The following CRTC3 variants were observed in gnomAD, a reference collection of about 807,000 sequenced individuals.
CRTC3 encodes CREB regulated transcription coactivator 3.
CRTC3 carries 26 observed loss-of-function variants against 74.5 expected under a neutral mutation model. The observed-to-expected ratio is 0.35, with a 90% CI of 0.26 to 0.48. The LOEUF is 0.48. CRTC3 is among the 20% of genes least tolerant of loss of function. CRTC3 has a pLI of 0.99. For missense variants in CRTC3, 760 were observed against 787.3 expected, an observed-to-expected ratio of 0.97 and a Z score of 0.41; for synonymous variants, 377 against 325.8, an observed-to-expected ratio of 1.16 and a Z score of -1.69.
intron 5 of CRTC3, among the ~76,000 whole-genome samples, chr15:90,604,825 GC>G (rs1488984516): frequency 6.6e-6 from 1 of 152,152 alleles, no homozygotes; most frequent in Non-Finnish European, 1.5e-5. Flanking sequence ...ATCACTTTGG[GC>G]CAGACTCCAG....
At position 90,540,148 on chromosome 15, in the gene CRTC3, A is replaced by T. The variant is rs1369196431; in HGVS notation, c.231+11A>T. ...GCGTCAGAGTTTCAGGTACCTCCAG[A>T]TATGTACTTTCTTGAAGCTGAATGG... On this transcript the variant is annotated intron_variant, in intron 2 of 14. Transcript: ENST00000268184. 6.4e-7 allele frequency: 1 copy of T among 1,554,028 alleles called. No individual in the cohort carries two copies. The highest frequency in any genetic ancestry group is 8.8e-7 in the Non-Finnish European group (1 of 1,134,740).
intron 2 of CRTC3, among the ~76,000 whole-genome samples, chr15:90,585,173 C>G (rs1388216529): frequency 1.3e-5 from 2 of 152,126 alleles, no homozygotes; most frequent in East Asian, 1.9e-4. Flanking sequence ...ACAACAAGGT[C>G]TCGCTCTGTG....
chr15:90,554,819 C>G (rs1314780358), intron 2 of CRTC3, among the ~76,000 whole-genome samples: 1 of 152,236 alleles, frequency 6.6e-6, no homozygotes, highest in Non-Finnish European at 1.5e-5. Flanking sequence ...CCTCCCACAC[C>G]AGAGTGTTGT....
Position 90,629,464 on chromosome 15 carries a change from G to A in CRTC3, c.1198G>A (p.Glu400Lys). The A allele has an allele frequency of 6.2e-7, 1 of 1,613,982 alleles. No homozygotes were observed. The highest frequency in any genetic ancestry group is 1.3e-5 in the African/African-American group (1 of 74,974). ...VSPLTLSPGP[E>K]AHQGFSRQLS... is the part of the protein sequence containing the mutation. Reference sequence around the variant, plus strand: ...CCCTCTCACGCTTTCTCCTGGCCCTGAAGCACATCAAGGTTTCAGCAGACA... The same window carrying A: ...CCCTCTCACGCTTTCTCCTGGCCCTAAAGCACATCAAGGTTTCAGCAGACA... The change falls in exon 11 of 15, where the codon GAA (glutamate) becomes AAA (lysine). Residue 400 changes from glutamate (E) to lysine (K), a missense_variant. Glu to Lys is a moderately conservative substitution (Grantham distance 56, BLOSUM62 1). Around this residue, in one of 2 missense-constraint regions of CRTC3, gnomAD observed 652 missense variants for 635.2 expected, o/e 1.03. Transcript: ENST00000268184.
chr15:90,535,981 A>T (rs928114796), intron 1 of CRTC3, among the ~76,000 whole-genome samples: 1 of 152,228 alleles, frequency 6.6e-6, no homozygotes, highest in East Asian at 1.9e-4. Context: ...AATTTCCCTC[A>T]TAAGGATCTT....
chr15:90,627,697 C>T (rs560991290), intron 10 of CRTC3, among the ~76,000 whole-genome samples: 1 of 151,388 alleles, frequency 6.6e-6, no homozygotes, highest in East Asian at 2.0e-4. Context: ...TCTCGGCTCA[C>T]TGCAAGCTCT....
rs576336632 is a variant in CRTC3, at chr15:90,589,257, G to A, written c.232-4379G>A. Among the ~76,000 whole-genome samples the A allele has an allele frequency of 3.9e-5, 6 of 152,188 alleles. No homozygotes were observed. The East Asian group carries it at 9.7e-4, about 25-fold the overall frequency. On this transcript the variant is annotated intron_variant, in intron 2 of 14. Transcript: ENST00000268184. Reference sequence around the variant, plus strand: ...TTTTTAGTAGAGATGGGGTTTCACCGTGTTGACCAGGCTGGTCTTGAACTC... The same window carrying A: ...TTTTTAGTAGAGATGGGGTTTCACCATGTTGACCAGGCTGGTCTTGAACTC...
intron 3 of CRTC3, among the ~76,000 whole-genome samples, chr15:90,597,413 G>C (rs1283973722): frequency 6.6e-6 from 1 of 152,226 alleles, no homozygotes; most frequent in Non-Finnish European, 1.5e-5. Flanking sequence ...GTTCACCAGC[G>C]TGAAGGGTCG....
intron 7 of CRTC3, among the ~76,000 whole-genome samples, chr15:90,615,672 A>G (rs1161959802): frequency 6.6e-6 from 1 of 152,232 alleles, no homozygotes; most frequent in Non-Finnish European, 1.5e-5. Context: ...GGGACTAAAA[A>G]CAATGAACTC....
At chr15:90,565,066 C>T (rs931690272) in intron 2 of CRTC3, among the ~76,000 whole-genome samples, 4 of 152,292 alleles carry the variant, frequency 2.6e-5, no homozygotes, top group South Asian at 2.1e-4. Context: ...CCACAGCCTC[C>T]CGAGTAGGTG....
Position 90,644,009 on chromosome 15 carries a change from C to G in CRTC3, c.*1869C>G, listed in dbSNP as rs905800111. On this transcript the variant is annotated 3_prime_UTR_variant, in exon 15 of 15. Coordinates refer to ENST00000268184, the MANE Select transcript of CRTC3 (RefSeq NM_022769.5). ...CCATTTCTATCTTCTGACCTTGCCTCTCATCTTTAAAATAACCCTCATGGG... is the reference window on the plus strand; with the variant it reads ...CCATTTCTATCTTCTGACCTTGCCTGTCATCTTTAAAATAACCCTCATGGG... The G allele has an allele frequency of 4.3e-6, 1 of 232,322 alleles. No individual in the cohort carries two copies. The allele number at this position is 232,322 out of a possible 1,614,324, so 14.4% of individuals were successfully genotyped here. A position where few individuals can be genotyped will look rare whatever the true frequency, so the allele number is the denominator to read the frequency against.
At chr15:90,598,281 C>G in intron 3 of CRTC3, 1 of 608,372 alleles carries the variant, frequency 1.6e-6, no homozygotes, top group South Asian at 1.9e-5. Context: ...AGCCGCAGGT[C>G]AAGCAGCACA....
rs772534291 is a variant in CRTC3, at chr15:90,629,416, C to T, written c.1150C>T (p.Arg384Trp). 25 of 1,614,010 alleles carry T rather than the reference C, an allele frequency of 1.5e-5. No homozygotes were observed. The Middle Eastern group carries it at 2.1e-3, about 138-fold the overall frequency. The change falls in exon 11 of 15, where the codon CGG becomes TGG. Residue 384 changes from arginine (R) to tryptophan (W), a missense_variant. Arg to Trp is a moderately radical substitution (Grantham distance 101, BLOSUM62 -3). Around this residue, in one of 2 missense-constraint regions of CRTC3, gnomAD observed 652 missense variants for 635.2 expected, o/e 1.03. Coordinates refer to ENST00000268184, the MANE Select transcript of CRTC3 (RefSeq NM_022769.5). Reference protein sequence around the residue: ...LSTTNLSGPSRRRQPPVSPLT... With the variant: ...LSTTNLSGPSWRRQPPVSPLT... ...CACCACAAACCTGAGCGGCCCGTCT[C>T]GGCGTCGGCAGCCTCCCGTCAGCCC...
At chr15:90,603,958 T>A (rs1968151046) in intron 4 of CRTC3, among the ~76,000 whole-genome samples, 1 of 152,196 alleles carries the variant, frequency 6.6e-6, no homozygotes. Flanking sequence ...ATCCAAGAAA[T>A]GTCTTCTGCT....
chr15:90,619,696 T>C (rs202181818), intron 8 of CRTC3, 45 bp from the exon 9 acceptor site: 1 of 1,578,928 alleles, frequency 6.3e-7, no homozygotes. Flanking sequence ...AAACTTGAAT[T>C]TGGCTTTACA....
chr15:90,536,398 G>C (rs1345546195), intron 1 of CRTC3, among the ~76,000 whole-genome samples: 1 of 151,488 alleles, frequency 6.6e-6, no homozygotes, highest in Non-Finnish European at 1.5e-5. Context: ...TTAGCTGGGC[G>C]TGGTGGCGCG....
At chr15:90,632,852 G>A (rs1969090467) in intron 11 of CRTC3, among the ~76,000 whole-genome samples, 1 of 152,194 alleles carries the variant, frequency 6.6e-6, no homozygotes, top group African/African-American at 2.4e-5. Flanking sequence ...CAGTCTGCCC[G>A]CCTCGGCGTC....
At chr15:90,583,672 T>C (rs1214022333) in intron 2 of CRTC3, among the ~76,000 whole-genome samples, 1 of 152,106 alleles carries the variant, frequency 6.6e-6, no homozygotes, top group African/African-American at 2.4e-5. Context: ...CCAGAACAGC[T>C]GGGAGCCTCA....
chr15:90,594,383 G>T (rs1302611275), intron 3 of CRTC3: 1 of 152,314 alleles, frequency 6.6e-6, no homozygotes, highest in African/African-American at 2.4e-5. Context: ...GCAGTGGTGG[G>T]TGCAGCTGTG....
Sources: allele counts gnomAD v4.1 joint callset (sites outside exome capture counted in the v4.1 genomes callset), GRCh38; gene constraint gnomAD v4.1.1; regional missense constraint gnomAD v4.1.1; transcripts MANE v1.5; gene names NCBI Gene and HGNC (gene_info 2026-07-23, HGNC 2026-07-21).